Variants in RDM1 observed in about 807,000 individuals in gnomAD.
RDM1 encodes the protein RAD52 motif-containing protein 1.
In RDM1, 28 loss-of-function variants were observed where a neutral mutation model predicts 27.7. The ratio of observed to expected loss-of-function variants is 1.01; its 90% CI spans 0.75 to 1.39. The LOEUF (loss-of-function observed/expected upper bound fraction) is 1.39. Ranked by LOEUF, RDM1 falls within the 40% of genes most tolerant of loss-of-function variation. The pLI is 0.00. For synonymous variants in RDM1, 124 were observed against 127.5 expected (o/e 0.97, Z 0.19); for missense variants, 277 against 337.3 (o/e 0.82, Z 1.40).
Position 35,925,455 on chromosome 17 carries a change from T to C in RDM1, c.399+60A>G, listed in dbSNP as rs1029986430. 6 of 1,588,858 alleles carry C rather than the reference T, an allele frequency of 3.8e-6. No individual in the cohort carries two copies. In the East Asian group the frequency reaches 1.1e-4, roughly 30 times the overall value. On this transcript the variant is annotated intron_variant, in intron 3 of 6. Coordinates refer to ENST00000620284, the MANE Select transcript of RDM1 (RefSeq NM_145654.4). The stretch of plus-strand genomic sequence containing the variant: ...TCCAGTTCAATACTTCTGTCTAAAA[T>C]CTAGGATTTCAATGTTGAAAGGAGA...
intron 2 of RDM1, among the ~76,000 whole-genome samples, chr17:35,925,961 C>T (rs1276224460): frequency 3.3e-5 from 5 of 151,904 alleles, no homozygotes; most frequent in South Asian, 2.1e-4. Flanking sequence ...AGTGAAACCC[C>T]GTCTCTACGA....
chr17:35,929,753 A>T (rs925642578), intron 2 of RDM1, among the ~76,000 whole-genome samples: 2 of 152,022 alleles, frequency 1.3e-5, no homozygotes, highest in Admixed American at 6.6e-5. Flanking sequence ...TATCTTTACA[A>T]TTTTTTTTAT....
Position 35,930,616 on chromosome 17 carries a change from C to A in RDM1, c.96+16G>T. On this transcript the variant is annotated intron_variant, in intron 1 of 6. Coordinates refer to ENST00000620284, the MANE Select transcript of RDM1 (RefSeq NM_145654.4). ...CAGCTTTCTCCATCCCTCCCTCCAT[C>A]CTGGCCCCGGCTCACATGCAAAGCC... The A allele has an allele frequency of 2.5e-6, 4 of 1,610,130 alleles. No homozygotes were observed. Among genetic ancestry groups the A allele is most frequent in the Non-Finnish European group, 3.4e-6 (4 of 1,178,524 alleles).
In RDM1 at chr17:35,928,639, G is replaced by A. The variant is rs1377031423; in HGVS notation, c.276+1437C>T. Among the ~76,000 whole-genome samples, 4 of 152,000 alleles carry A rather than the reference G, an allele frequency of 2.6e-5. No homozygotes were observed. In the South Asian group the frequency reaches 8.3e-4, roughly 32 times the overall value. ...CAGCCAGGCGTGGTGGTGCATGCCT[G>A]TAATCCCTGCTACTTGGGAGGCTGA... On this transcript the variant is annotated intron_variant, in intron 2 of 6. Transcript: ENST00000620284.
At chr17:35,922,473 T>C (rs2088979326) in intron 5 of RDM1, 104 bp downstream of exon 5, 9 of 1,424,660 alleles carry the variant, frequency 6.3e-6, no homozygotes, top group East Asian at 2.4e-5. Flanking sequence ...AAGCATACTA[T>C]AGAGTGCTTT....
chr17:35,924,135 C>G (rs979076417), intron 4 of RDM1, among the ~76,000 whole-genome samples: 1 of 151,926 alleles, frequency 6.6e-6, no homozygotes. Context: ...GCAGGAGGAT[C>G]CCTTGAGCCC....
At chr17:35,921,718 CAAT>C (rs904643187) in intron 5 of RDM1, among the ~76,000 whole-genome samples, 6 of 152,064 alleles carry the variant, frequency 3.9e-5, no homozygotes, top group Non-Finnish European at 8.8e-5. Flanking sequence ...TCAACAATGA[CAAT>C]AATAGTTAAT....
Position 35,918,452 on chromosome 17 carries a change from T to C in RDM1, c.754-9A>G. 6.2e-7 allele frequency: 1 copy of C among 1,609,718 alleles called. No individual in the cohort carries two copies. The highest frequency in any genetic ancestry group is 8.5e-7 in the Non-Finnish European group (1 of 1,176,096). ...CAGGGAGAGCAAGGGACCTGCAAAA[T>C]GTGCGCTAGTTAGGGTGGCAGGCAG... On this transcript the variant is annotated splice_polypyrimidine_tract_variant and intron_variant, in intron 6 of 6. Coordinates refer to ENST00000620284, the MANE Select transcript of RDM1 (RefSeq NM_145654.4).
rs766860201 is a variant in RDM1 at position 35,925,501 on chromosome 17, T to C, written c.399+14A>G. ...GGAGAGTGTGGTAAGTGAAAAAAAATCTACAAGGTTTACCTTGATGATCCT... is the reference window on the plus strand; with the variant it reads ...GGAGAGTGTGGTAAGTGAAAAAAAACCTACAAGGTTTACCTTGATGATCCT... On this transcript the variant is annotated intron_variant, in intron 3 of 6. Coordinates refer to ENST00000620284, the MANE Select transcript of RDM1 (RefSeq NM_145654.4). The C allele has an allele frequency of 1.9e-6, 3 of 1,611,650 alleles. No homozygotes were observed. The South Asian group carries it at 3.3e-5, about 18-fold the overall frequency.
chr17:35,922,406 A>G, intron 5 of RDM1, 171 bp downstream of exon 5: 1 of 795,700 alleles, frequency 1.3e-6, no homozygotes, highest in Non-Finnish European at 1.9e-6. Context: ...ATTTTTTTTC[A>G]CAAATGTCAC....
chr17:35,923,910 T>G (rs1374259569), intron 4 of RDM1, among the ~76,000 whole-genome samples: 1 of 151,908 alleles, frequency 6.6e-6, no homozygotes, highest in Admixed American at 6.6e-5. Flanking sequence ...TATACAAAAG[T>G]TTATGTAAAT....
Position 35,925,521 on chromosome 17 carries a change from G to A in RDM1, c.393C>T (p.Ile131=). The A allele has an allele frequency of 3.7e-6, 6 of 1,613,208 alleles. No homozygotes were observed. The highest frequency in any genetic ancestry group is 5.1e-6 in the Non-Finnish European group (6 of 1,179,976). The change falls in exon 3 of 7, where the codon ATC becomes ATT. Residue 131 remains isoleucine (I), a synonymous_variant. Transcript: ENST00000620284. ...YFGFNGCSKR[I]IKLQELSDLE... ...AAAAATCTACAAGGTTTACCTTGAT[G>A]ATCCTTTTGGAACACCCATTGAAAC...
rs2088813964 is a variant in RDM1 at position 35,918,279 on chromosome 17, G to A, written c.*63C>T. On this transcript the variant is annotated 3_prime_UTR_variant, in exon 7 of 7. Transcript: ENST00000620284. ...GCCTATAGTGGTGGGGCGGCGTGGG[G>A]TAGGGGCACGACAGAGCTTCCCAAG... 2 of 1,420,602 alleles carry A rather than the reference G, an allele frequency of 1.4e-6. No individual in the cohort carries two copies. Among genetic ancestry groups the A allele is most frequent in the Admixed American group, 3.4e-5 (2 of 59,058 alleles). 88.0% of individuals were successfully genotyped at this position (1,420,602 alleles called of 1,614,324 possible).
intron 5 of RDM1, 64 bp from the exon 6 acceptor site, chr17:35,920,336 T>C: frequency 3.9e-6 from 3 of 761,738 alleles, no homozygotes; most frequent in East Asian, 5.3e-5. Context: ...CTGCATATAA[T>C]GGTAGCACCC....
At position 35,919,058 on chromosome 17, in the gene RDM1, G is replaced by A. The variant is rs190854759; in HGVS notation, c.754-615C>T. 6.8e-4 allele frequency among the ~76,000 whole-genome samples: 103 copies of A among 152,280 alleles called. 2 individuals carry two copies. In the East Asian group the frequency reaches 0.018, roughly 26 times the overall value. On this transcript the variant is annotated intron_variant, in intron 6 of 6. Transcript: ENST00000620284. Reference sequence around the variant, plus strand: ...GACTTTCTCTCACATTTCACAGGAAGCTAGACTTCTTAAAGCTTGAAGTTT... The same window carrying A: ...GACTTTCTCTCACATTTCACAGGAAACTAGACTTCTTAAAGCTTGAAGTTT...
At chr17:35,927,115 C>CAAAA (rs955692533) in intron 2 of RDM1, among the ~76,000 whole-genome samples, 3 of 75,466 alleles carry the variant, frequency 4.0e-5, no homozygotes, top group Non-Finnish European at 5.3e-5. Context: ...TTCATTTCAC[C>CAAAA]AAAAAAAAAA....
At chr17:35,921,996 C>T (rs2088959564) in intron 5 of RDM1, among the ~76,000 whole-genome samples, 1 of 148,882 alleles carries the variant, frequency 6.7e-6, no homozygotes, top group Non-Finnish European at 1.5e-5. Flanking sequence ...TCTTGGCTCA[C>T]TGTAAGCTCC....
Position 35,925,582 on chromosome 17 carries a change from C to T in RDM1, c.332G>A (p.Ser111Asn). Residue 111 changes from serine (S) to asparagine (N), a missense_variant, in exon 3 of 7, where the codon AGT (serine) becomes AAT (asparagine). Coordinates refer to ENST00000620284, the MANE Select transcript of RDM1 (RefSeq NM_145654.4). ...ATTCGCCAGTTCTTGGCATTTGGAA[C>T]TGTTCAGGGCAAGGGCTTGATGTTG... ...AVQHQALALN[S>N]SKCQELANYY... is the part of the protein sequence containing the mutation. The T allele has an allele frequency of 6.2e-7, 1 of 1,614,174 alleles. No homozygotes were observed.
intron 2 of RDM1, among the ~76,000 whole-genome samples, chr17:35,927,543 AT>A (rs2089194818): frequency 6.6e-6 from 1 of 152,198 alleles, no homozygotes; most frequent in African/African-American, 2.4e-5. Context: ...ATTTTAAAAC[AT>A]TATTCTCTTT....
Sources: gnomAD v4.1 joint callset for allele counts (sites outside exome capture counted in the v4.1 genomes callset) on GRCh38, gnomAD v4.1.1 for gene constraint, MANE v1.5 for transcripts, NCBI Gene and HGNC (gene_info 2026-07-23, HGNC 2026-07-21) for gene names.